The following PFAS variants were observed in gnomAD, a reference collection of about 807,000 sequenced individuals.
PFAS encodes the protein phosphoribosylformylglycinamidine synthase.
PFAS carries 97 observed loss-of-function variants against 140.6 expected under a neutral mutation model. The ratio of observed to expected loss-of-function variants is 0.69; its 90% CI spans 0.59 to 0.82. The LOEUF is 0.82. Ranked by LOEUF, PFAS falls within the 40% of genes least tolerant of loss-of-function variation. The pLI, the probability that PFAS is intolerant of heterozygous loss-of-function variation, is 0.00. For synonymous variants in PFAS, 679 were observed against 718.8 expected, an observed-to-expected ratio of 0.94 and a Z score of 0.88; for missense variants, 1,656 against 1,780.2, an observed-to-expected ratio of 0.93 and a Z score of 1.26.
Position 8,268,758 on chromosome 17 carries a change from A to C in PFAS, c.3608A>C (p.Glu1203Ala), listed in dbSNP as rs369951266. 27 of 1,611,596 alleles carry C rather than the reference A, an allele frequency of 1.7e-5. No homozygotes were observed. Among genetic ancestry groups the C allele is most frequent in the Non-Finnish European group, 8.5e-7 (1 of 1,179,850 alleles). Reference sequence around the variant, plus strand: ...CGCCACAACCTGTCTGGGCGCTACGAGTCTCGCTGGGCCAGCGTGCGTGTG... The same window carrying C: ...CGCCACAACCTGTCTGGGCGCTACGCGTCTCGCTGGGCCAGCGTGCGTGTG... The part of the protein sequence containing the change: ...LLRHNLSGRY[E>A]SRWASVRVGP... The change falls in exon 27 of 28, where the codon GAG becomes GCG. Residue 1203 changes from glutamate to alanine, a missense_variant. This residue lies in a region of PFAS where 883 missense variants were observed against 1,023.0 expected (regional missense o/e 0.86). Transcript: ENST00000314666.
At position 8,255,041 on chromosome 17, in the gene PFAS, C is replaced by T. The variant is rs1440564097; in HGVS notation, c.293C>T (p.Thr98Ile). ...LEVGPRLNFS[T>I]PTSTNIVSVC... is the part of the protein sequence containing the mutation. Reference sequence around the variant, plus strand: ...CCATTGTTCAGGCTGAACTTCTCCACCCCAACATCCACCAACATCGTGTCA... The same window carrying T: ...CCATTGTTCAGGCTGAACTTCTCCATCCCAACATCCACCAACATCGTGTCA... Residue 98 changes from threonine to isoleucine, a missense_variant, in exon 4 of 28, where the codon ACC (threonine) becomes ATC (isoleucine). By Grantham distance (89) the Thr-to-Ile change is moderately conservative. Around this residue, in one of 2 missense-constraint regions of PFAS, gnomAD observed 773 missense variants for 757.3 expected, o/e 1.02. Coordinates refer to ENST00000314666, the MANE Select transcript of PFAS (RefSeq NM_012393.3). 1.9e-6 allele frequency: 3 copies of T among 1,613,834 alleles called. No homozygotes were observed. The highest frequency in any genetic ancestry group is 1.3e-5 in the African/African-American group (1 of 75,050).
intron 8 of PFAS, 64 bp from the exon 9 acceptor site, chr17:8,256,771 G>C (rs1292229635): frequency 6.4e-7 from 1 of 1,554,744 alleles, no homozygotes; most frequent in Non-Finnish European, 8.7e-7. Flanking sequence ...TTTTCAGTGG[G>C]GGTGGTCAGA....
chr17:8,254,185 T>C lies in PFAS; in HGVS notation c.162T>C (p.Ala54=). 1 of 1,614,186 alleles carries C rather than the reference T, an allele frequency of 6.2e-7. No individual in the cohort carries two copies. The highest frequency in any genetic ancestry group is 8.5e-7 in the Non-Finnish European group (1 of 1,180,022). Residue 54 remains alanine (A), a synonymous_variant, in exon 3 of 28, where the codon GCT becomes GCC. Transcript: ENST00000314666. ...CTGCAGCTGAGGCCCTCCCCAGTGC[T>C]GAGGAGACAAAGAAGCTGATGTGGC... ...VNWTAEALPS[A]EETKKLMWLF... is the part of the protein sequence containing the mutation.
At position 8,269,929 on chromosome 17, in the gene PFAS, G is replaced by A. The variant is rs1221365324; in HGVS notation, c.*665G>A. 1 of 150,488 alleles carries A rather than the reference G, an allele frequency of 6.6e-6. No homozygotes were observed. Among genetic ancestry groups the A allele is most frequent in the Non-Finnish European group, 1.5e-5 (1 of 67,892 alleles). The allele number at this position is 150,488 out of a possible 1,614,324, so 9.3% of individuals were successfully genotyped here. On this transcript the variant is annotated 3_prime_UTR_variant, in exon 28 of 28. Transcript: ENST00000314666. ...GTCTCACTCTGTCACCCAGGCTGGA[G>A]TACAATGGCGTGATCTCGGCCCACT...
chr17:8,264,821 GC>G (rs1250286793), intron 17 of PFAS, 73 bp from the exon 18 acceptor site: 1 of 1,131,230 alleles, frequency 8.8e-7, no homozygotes, highest in African/African-American at 1.5e-5. Context: ...TGCCCTGAGT[GC>G]CTTGGGGGCA....
At chr17:8,262,856 C>A in intron 11 of PFAS, 64 bp from the exon 12 acceptor site, 2 of 1,303,148 alleles carry the variant, frequency 1.5e-6, no homozygotes, top group South Asian at 1.2e-5. Context: ...TTCACGCTGC[C>A]TTGCTTTCGA....
intron 9 of PFAS, among the ~76,000 whole-genome samples, chr17:8,257,462 G>C (rs761707880): frequency 6.6e-6 from 1 of 152,080 alleles, no homozygotes; most frequent in Non-Finnish European, 1.5e-5. Flanking sequence ...AGGCTGAGGC[G>C]AGAGAATGGC....
Position 8,266,822 on chromosome 17 carries a change from T to G in PFAS, c.2891T>G (p.Val964Gly). The change falls in exon 23 of 28, where the codon GTG (valine) becomes GGG (glycine). Residue 964 changes from valine (V) to glycine (G), a missense_variant. This residue lies in a region of PFAS where 883 missense variants were observed against 1,023.0 expected (regional missense o/e 0.86). Transcript: ENST00000314666. The surrounding 1 kb of genome is among the most constrained non-coding windows in gnomAD (Gnocchi z 5.0). ...GTGCAGGAGCCAGACCTGGCCCAGG[T>G]GCTGAAGCGTTACCGGGATGCTGGC... ...LEVQEPDLAQ[V>G]LKRYRDAGLH... is the part of the protein sequence containing the mutation. The G allele has an allele frequency of 6.2e-7, 1 of 1,611,908 alleles. No individual in the cohort carries two copies.
chr17:8,248,536 C>T (rs1323932409), upstream of PFAS, among the ~76,000 whole-genome samples: 2 of 149,718 alleles, frequency 1.3e-5, no homozygotes, highest in African/African-American at 4.9e-5. Flanking sequence ...GCTGGGATTA[C>T]AGGCGTGAAA....
chr17:8,249,378 C>T (rs947286049), intron 1 of PFAS, 39 bp downstream of exon 1: 1 of 152,270 alleles, frequency 6.6e-6, no homozygotes, highest in Non-Finnish European at 1.5e-5. Context: ...GATCCTCCTC[C>T]AGGTGCAGCG....
In PFAS at chr17:8,264,715, C is replaced by G. The variant is rs375697453; in HGVS notation, c.2049+114C>G. 4.4e-4 allele frequency: 538 copies of G among 1,226,080 alleles called. 4 individuals are homozygous for G. The African/African-American group carries it at 6.4e-3, about 15-fold the overall frequency. 76.0% of individuals were successfully genotyped at this position (1,226,080 alleles called of 1,614,324 possible). On this transcript the variant is annotated intron_variant, in intron 17 of 27. Transcript: ENST00000314666. ...TTTTGCCTGGCCCTGCAGGAAGCAG[C>G]AGGGGCAGGGCAGCCACCCTGATGG...
intron 1 of PFAS, 63 bp from the exon 2 acceptor site, chr17:8,253,796 C>T (rs1465362497): frequency 1.5e-5 from 19 of 1,273,124 alleles, no homozygotes; most frequent in African/African-American, 1.5e-5. Context: ...GCCTCAGTCT[C>T]CCAAAGTGCT....
intron 6 of PFAS, 83 bp downstream of exon 6, chr17:8,255,993 T>A (rs1989347480): frequency 8.9e-7 from 1 of 1,121,304 alleles, no homozygotes; most frequent in Admixed American, 1.8e-5. Flanking sequence ...TGTTCCTCCC[T>A]TGGCTTAGGG....
intron 3 of PFAS, among the ~76,000 whole-genome samples, chr17:8,254,529 C>T (rs561616009): frequency 6.6e-6 from 1 of 152,270 alleles, no homozygotes; most frequent in Admixed American, 6.5e-5. Flanking sequence ...TTTGGCCAGG[C>T]GCGGTGGCTC....
At position 8,259,088 on chromosome 17, in the gene PFAS, G is replaced by A. The variant is rs1183233626; in HGVS notation, c.1336+889G>A. Among the ~76,000 whole-genome samples, 3 of 149,674 alleles carry A rather than the reference G, an allele frequency of 2.0e-5. No homozygotes were observed. The Admixed American group carries it at 2.0e-4, about 10-fold the overall frequency. On this transcript the variant is annotated intron_variant, in intron 11 of 27. Transcript: ENST00000314666. ...TTGAAGCTGGGAGGTGGAGGTTGCA[G>A]TGAGTGGAGATCGCACCACTGCGAT...
Position 8,267,751 on chromosome 17 carries a change from C to A in PFAS, c.3382+86C>A. 1.4e-6 allele frequency: 1 copy of A among 715,854 alleles called. No individual in the cohort carries two copies. Among genetic ancestry groups the A allele is most frequent in the Non-Finnish European group, 2.4e-6 (1 of 419,328 alleles). The allele number at this position is 715,854 out of a possible 1,614,324, so 44.3% of individuals were successfully genotyped here. A position where few individuals can be genotyped will look rare whatever the true frequency, so the allele number is the denominator to read the frequency against. Reference sequence around the variant, plus strand: ...CCCATCTTCCTGGGCTGGGGATTGGCCTCTCACTCCACCGAGCTACGAGAG... The same window carrying A: ...CCCATCTTCCTGGGCTGGGGATTGGACTCTCACTCCACCGAGCTACGAGAG... On this transcript the variant is annotated intron_variant, in intron 26 of 27. Transcript: ENST00000314666. The surrounding 1 kb of genome is among the most constrained non-coding windows in gnomAD (Gnocchi z 4.9).
chr17:8,249,738 C>G (rs1271240000), intron 1 of PFAS, among the ~76,000 whole-genome samples: 1 of 152,192 alleles, frequency 6.6e-6, no homozygotes. Context: ...AAAATGCCTT[C>G]AGGAAGACTG....
chr17:8,264,468 A>G lies in PFAS; in HGVS notation c.1918-2A>G, dbSNP rs1321705291. Reference sequence around the variant, plus strand: ...CACTGCCTGTCGCTGTCTGTGTTGCAGGAGTTCTTCCTGCAGAGGAAGCCC... The same window carrying G: ...CACTGCCTGTCGCTGTCTGTGTTGCGGGAGTTCTTCCTGCAGAGGAAGCCC... On this transcript the variant is annotated splice_acceptor_variant, in intron 16 of 27. Coordinates refer to ENST00000314666, the MANE Select transcript of PFAS (RefSeq NM_012393.3). LOFTEE classifies it high-confidence loss of function. 6.2e-7 allele frequency: 1 copy of G among 1,613,526 alleles called. No individual in the cohort carries two copies. The highest frequency in any genetic ancestry group is 8.5e-7 in the Non-Finnish European group (1 of 1,179,878).
intron 11 of PFAS, among the ~76,000 whole-genome samples, chr17:8,261,080 G>T (rs1989572616): frequency 6.6e-6 from 1 of 152,238 alleles, no homozygotes; most frequent in South Asian, 2.1e-4. Flanking sequence ...CTCTCTGGCA[G>T]TGTGTGAGGG....
Sources: gnomAD v4.1 joint callset for allele counts (sites outside exome capture counted in the v4.1 genomes callset) on GRCh38, gnomAD v4.1.1 for gene constraint, gnomAD v4.1.1 regional missense constraint, Gnocchi (gnomAD v3.1) non-coding constraint, MANE v1.5 for transcripts, NCBI Gene and HGNC (gene_info 2026-07-23, HGNC 2026-07-21) for gene names.